Variants in SCLT1 observed in about 807,000 individuals in gnomAD.
SCLT1 encodes sodium channel-associated protein 1.
SCLT1 carries 78 observed loss-of-function variants against 112.8 expected under a neutral mutation model. That is an observed-to-expected ratio of 0.69 (90% CI 0.58 to 0.83). The LOEUF (loss-of-function observed/expected upper bound fraction) is 0.83. Among genes scored for constraint, SCLT1 ranks in the 40% least tolerant of loss-of-function variants. The pLI is 0.00. For missense variants in SCLT1, 747 were observed against 770.4 expected (o/e 0.97, Z 0.36); for synonymous variants, 257 against 254.7 (o/e 1.01, Z -0.09).
chr4:128,947,894 A>C (rs1403505018), intron 15 of SCLT1, among the ~76,000 whole-genome samples: 1 of 152,184 alleles, frequency 6.6e-6, no homozygotes, highest in African/African-American at 2.4e-5. Flanking sequence ...TAAGCACCAT[A>C]AGAGCTAAAA....
chr4:128,909,632 A>T (rs1030091329), intron 18 of SCLT1, among the ~76,000 whole-genome samples: 6 of 152,224 alleles, frequency 3.9e-5, no homozygotes, highest in African/African-American at 1.4e-4. Flanking sequence ...CACTGTCAAT[A>T]ATCTAAACTT....
At chr4:129,051,110 C>T (rs1171736904) in intron 2 of SCLT1, among the ~76,000 whole-genome samples, 1 of 152,096 alleles carries the variant, frequency 6.6e-6, no homozygotes, top group Non-Finnish European at 1.5e-5. Context: ...CAGTACCATC[C>T]TGTTTTGGTT....
At position 128,884,465 on chromosome 4, in the gene SCLT1, C is replaced by T; in HGVS notation, c.*12G>A. 1 of 1,547,580 alleles carries T rather than the reference C, an allele frequency of 6.5e-7. No homozygotes were observed. Among genetic ancestry groups the T allele is most frequent in the African/African-American group, 1.4e-5 (1 of 73,736 alleles). On this transcript the variant is annotated 3_prime_UTR_variant, in exon 21 of 21. Coordinates refer to ENST00000281142, the MANE Select transcript of SCLT1 (RefSeq NM_144643.4). Reference sequence around the variant, plus strand: ...CCAACTCTAAAGTTCTGTGAGTGAACTATGAATATTTTTAAATATTTTCCA... The same window carrying T: ...CCAACTCTAAAGTTCTGTGAGTGAATTATGAATATTTTTAAATATTTTCCA...
At chr4:128,907,565 G>C (rs562439068) in intron 18 of SCLT1, among the ~76,000 whole-genome samples, 1 of 152,146 alleles carries the variant, frequency 6.6e-6, no homozygotes, top group South Asian at 2.1e-4. Flanking sequence ...TTCAGCTAGG[G>C]GTGAAATAAT....
chr4:128,895,302 A>C (rs983203322), intron 18 of SCLT1, among the ~76,000 whole-genome samples: 1 of 152,112 alleles, frequency 6.6e-6, no homozygotes, highest in East Asian at 1.9e-4. Flanking sequence ...ATAATCTTCA[A>C]TGGCTCTCAG....
At chr4:129,069,183 A>G (rs1436562867) in intron 2 of SCLT1, among the ~76,000 whole-genome samples, 4 of 152,130 alleles carry the variant, frequency 2.6e-5, no homozygotes, top group Non-Finnish European at 2.9e-5. Flanking sequence ...ATGGCCTTAG[A>G]GTATAGTTTG....
At chr4:129,051,125 T>C (rs1195109858) in intron 2 of SCLT1, among the ~76,000 whole-genome samples, 1 of 152,164 alleles carries the variant, frequency 6.6e-6, no homozygotes, top group Non-Finnish European at 1.5e-5. Flanking sequence ...TTGGTTAGTG[T>C]AGCAATGTAG....
Position 128,896,671 on chromosome 4 carries a change from G to A in SCLT1, c.1830-5534C>T, listed in dbSNP as rs190780645. Among the ~76,000 whole-genome samples the A allele has an allele frequency of 6.2e-3, 948 of 151,874 alleles. 5 individuals carry two copies. Among genetic ancestry groups the A allele is most frequent in the Non-Finnish European group, 9.4e-3 (640 of 67,908 alleles). ...CACCAGCAATGGAACAAAGCTGGAC[G>A]GAGAATGACTTTGACGAGTTGAGAG... On this transcript the variant is annotated intron_variant, in intron 18 of 20. Coordinates refer to ENST00000281142, the MANE Select transcript of SCLT1 (RefSeq NM_144643.4).
intron 16 of SCLT1, among the ~76,000 whole-genome samples, chr4:128,944,456 A>G (rs1255788563): frequency 1.3e-5 from 2 of 152,194 alleles, no homozygotes; most frequent in Non-Finnish European, 2.9e-5. Flanking sequence ...TAGGAATTAC[A>G]TGAGACAGAG....
chr4:128,924,771 C>T (rs930995066), intron 18 of SCLT1, among the ~76,000 whole-genome samples: 6 of 152,164 alleles, frequency 3.9e-5, no homozygotes, highest in South Asian at 2.1e-4. Flanking sequence ...AGCTCTGAAA[C>T]GAACCTCAAT....
chr4:129,023,980 C>A (rs868336986), intron 5 of SCLT1, among the ~76,000 whole-genome samples: 1 of 152,188 alleles, frequency 6.6e-6, no homozygotes, highest in Non-Finnish European at 1.5e-5. Context: ...GGCAGCGAGG[C>A]TGGGGGAGGG....
chr4:129,003,796 T>C lies in SCLT1; in HGVS notation c.371A>G (p.Tyr124Cys). The change falls in exon 6 of 21, where the codon TAT becomes TGT. Residue 124 changes from tyrosine to cysteine, a missense_variant. By Grantham distance (194) the Tyr-to-Cys change is radical (BLOSUM62 -2). Transcript: ENST00000281142. ...PLGTEVGTDIYADDETVRNLQ... is the reference protein window; with the variant it reads ...PLGTEVGTDICADDETVRNLQ... ...GTTTCTGACTGTTTCATCATCTGCA[T>C]ATATGTCAGTTCCTACCTCTGTGCC... 6.2e-7 allele frequency: 1 copy of C among 1,612,450 alleles called. No homozygotes were observed. Among genetic ancestry groups the C allele is most frequent in the Non-Finnish European group, 8.5e-7 (1 of 1,179,066 alleles).
downstream of SCLT1, among the ~76,000 whole-genome samples, chr4:128,882,851 A>G (rs1323060641): frequency 6.6e-6 from 1 of 152,166 alleles, no homozygotes; most frequent in Non-Finnish European, 1.5e-5. Flanking sequence ...TATAGATAAA[A>G]AAGTCCATGC....
intron 5 of SCLT1, among the ~76,000 whole-genome samples, chr4:129,017,940 A>T (rs1745133725): frequency 6.6e-6 from 1 of 152,248 alleles, no homozygotes; most frequent in Admixed American, 6.5e-5. Flanking sequence ...GGTTTGCTAC[A>T]TTGGTCACAA....
chr4:129,030,859 C>T (rs1252741235), intron 5 of SCLT1, among the ~76,000 whole-genome samples: 1 of 152,046 alleles, frequency 6.6e-6, no homozygotes, highest in Non-Finnish European at 1.5e-5. Flanking sequence ...GACAGATTCA[C>T]AGCCGAATTC....
chr4:129,060,949 C>G (rs1223320446), intron 2 of SCLT1, among the ~76,000 whole-genome samples: 3 of 152,084 alleles, frequency 2.0e-5, no homozygotes, highest in African/African-American at 7.2e-5. Flanking sequence ...GATCTGGACT[C>G]TAAGACACCC....
chr4:129,020,660 T>TA (rs1423980044), intron 5 of SCLT1, among the ~76,000 whole-genome samples: 1 of 152,248 alleles, frequency 6.6e-6, no homozygotes, highest in Non-Finnish European at 1.5e-5. Context: ...CACCTGTAGA[T>TA]ACATTCAGGT....
chr4:128,998,375 G>A (rs1202332716), intron 7 of SCLT1, among the ~76,000 whole-genome samples: 1 of 151,706 alleles, frequency 6.6e-6, no homozygotes, highest in Non-Finnish European at 1.5e-5. Context: ...ACATTCTCAT[G>A]CCCCACATTT....
chr4:129,049,024 T>G (rs1377341757), intron 2 of SCLT1, among the ~76,000 whole-genome samples: 1 of 151,970 alleles, frequency 6.6e-6, no homozygotes, highest in Non-Finnish European at 1.5e-5. Context: ...ACTTTGACAC[T>G]GTTGGTGGGA....
Sources: gnomAD v4.1 joint callset for allele counts (sites outside exome capture counted in the v4.1 genomes callset) on GRCh38, gnomAD v4.1.1 for gene constraint, MANE v1.5 for transcripts, NCBI Gene and HGNC (gene_info 2026-07-23, HGNC 2026-07-21) for gene names.